Variants in GET4 observed in about 807,000 individuals in gnomAD.
The protein encoded by GET4 is guided entry of tail-anchored proteins factor 4.
GET4 carries 20 observed loss-of-function variants against 40.0 expected under a neutral mutation model. The observed-to-expected ratio is 0.50, with a 90% CI of 0.35 to 0.73. The LOEUF (loss-of-function observed/expected upper bound fraction) is 0.73, where lower values mean the gene tolerates loss of function less well. GET4 is among the 30% of genes least tolerant of loss of function. The pLI, the probability that GET4 is intolerant of heterozygous loss-of-function variation, is 0.01. For missense variants in GET4, 557 were observed against 454.0 expected (o/e 1.23, Z -2.06); for synonymous variants, 280 against 194.6 (o/e 1.44, Z -3.65).
intron 1 of GET4, chr7:879,801 A>T (rs189009941): frequency 6.6e-6 from 1 of 152,358 alleles, no homozygotes; most frequent in Admixed American, 6.5e-5. Flanking sequence ...TTATAGCAAT[A>T]CGTTTTTAAT....
intron 5 of GET4, among the ~76,000 whole-genome samples, chr7:891,317 C>T (rs1005232699): frequency 1.3e-5 from 2 of 152,258 alleles, no homozygotes; most frequent in Admixed American, 6.5e-5. Context: ...CCTCGCCTCT[C>T]GCCCACTGCC....
intron 4 of GET4, among the ~76,000 whole-genome samples, chr7:889,359 C>A (rs1458517188): frequency 6.6e-6 from 1 of 152,272 alleles, no homozygotes; most frequent in African/African-American, 2.4e-5. Context: ...GACCTGAGGC[C>A]TGGGCTCCAT....
chr7:887,293 C>A, intron 3 of GET4, 77 bp from the exon 4 acceptor site: 1 of 1,428,142 alleles, frequency 7.0e-7, no homozygotes, highest in Non-Finnish European at 9.8e-7. Flanking sequence ...GAATGGAAAT[C>A]CACTTCTGTG....
chr7:881,226 T>G (rs1844079324), intron 1 of GET4: 1 of 152,224 alleles, frequency 6.6e-6, no homozygotes, highest in South Asian at 2.1e-4. Context: ...TTTAAATATT[T>G]ATGTAAAATG....
Position 893,782 on chromosome 7 carries a change from G to A in GET4, c.789G>A (p.Gln263=). 6.2e-7 allele frequency: 1 copy of A among 1,611,576 alleles called. No homozygotes were observed. Among genetic ancestry groups the A allele is most frequent in the Non-Finnish European group, 8.5e-7 (1 of 1,178,448 alleles). The change falls in exon 7 of 9, where the codon CAG becomes CAA. Residue 263 remains glutamine (Q), a synonymous_variant. Coordinates refer to ENST00000265857, the MANE Select transcript of GET4 (RefSeq NM_015949.3). ...TVFTVLCEQY[Q]PSLRRDPMYN... ...TCACTGTGCTGTGTGAGCAGTACCA[G>A]CCATCCCTCCGGCGGGACCCCATGT...
intron 8 of GET4, 62 bp downstream of exon 8, chr7:894,033 C>T: frequency 2.6e-6 from 3 of 1,146,280 alleles, no homozygotes; most frequent in Non-Finnish European, 3.7e-6. Flanking sequence ...GTCATCATCT[C>T]TGCCCAGGCA....
In GET4 at chr7:887,393, C is replaced by A; in HGVS notation, c.340C>A (p.Leu114Met). 3 of 1,595,858 alleles carry A rather than the reference C, an allele frequency of 1.9e-6. No individual in the cohort carries two copies. Among genetic ancestry groups the A allele is most frequent in the Non-Finnish European group, 1.7e-6 (2 of 1,168,788 alleles). Residue 114 changes from leucine to methionine, a missense_variant, in exon 4 of 9, where the codon CTG becomes ATG. Leu to Met is a conservative substitution (Grantham distance 15). Transcript: ENST00000265857. ...LLENLAKVFSLMDPNSPERVT... is the reference protein window; with the variant it reads ...LLENLAKVFSMMDPNSPERVT... ...AGAAAATCTGGCTAAAGTGTTCAGCCTGATGGACCCCAACTCTCCTGAGCG... is the reference window on the plus strand; with the variant it reads ...AGAAAATCTGGCTAAAGTGTTCAGCATGATGGACCCCAACTCTCCTGAGCG...
At chr7:894,412 C>T (rs1165380153) in intron 8 of GET4, among the ~76,000 whole-genome samples, 1 of 152,144 alleles carries the variant, frequency 6.6e-6, no homozygotes, top group African/African-American at 2.4e-5. Context: ...GCGGGAGAGG[C>T]CCCTCACTGA....
In GET4 at chr7:893,113, A is replaced by G. The variant is rs879143781; in HGVS notation, c.747-627A>G. Among the ~76,000 whole-genome samples, 279 of 69,446 alleles carry G rather than the reference A, an allele frequency of 4.0e-3. 2 individuals carry two copies. The highest frequency in any genetic ancestry group is 0.012 in the African/African-American group (215 of 17,202). The allele number at this position is 69,446 out of a possible 152,430, so 45.6% of individuals were successfully genotyped here. ...TGCGGGCGTGGTGATGTGTGCAGGC[A>G]AGTGTTGGGTGTAGGCGTGGTGTGT... On this transcript the variant is annotated intron_variant, in intron 6 of 8. Transcript: ENST00000265857.
chr7:894,550 G>A (rs1844426746), intron 8 of GET4, among the ~76,000 whole-genome samples: 2 of 151,676 alleles, frequency 1.3e-5, no homozygotes, highest in East Asian at 1.9e-4. Flanking sequence ...CTCCCCGGAT[G>A]CCCCCCCCAG....
intron 4 of GET4, among the ~76,000 whole-genome samples, chr7:888,476 C>T (rs753038406): frequency 1.2e-4 from 19 of 152,232 alleles, no homozygotes; most frequent in Non-Finnish European, 2.5e-4. Context: ...GCTTTCCCGA[C>T]CTTCTCCCTG....
chr7:878,282 AG>A, intron 1 of GET4: 1 of 471,094 alleles, frequency 2.1e-6, no homozygotes, highest in East Asian at 7.0e-5. Flanking sequence ...GCTCTGTTCC[AG>A]TATTTTTGCT....
intron 1 of GET4, chr7:878,012 C>T (rs558657340): frequency 3.2e-5 from 8 of 246,870 alleles, no homozygotes; most frequent in Admixed American, 9.1e-5. Flanking sequence ...CTACACCGGG[C>T]TCCGTAGGAA....
In GET4 at chr7:886,641, G is replaced by A. The variant is rs200438858; in HGVS notation, c.307G>A (p.Glu103Lys). Residue 103 changes from glutamate to lysine, a missense_variant, in exon 3 of 9, where the codon GAG becomes AAG. Coordinates refer to ENST00000265857, the MANE Select transcript of GET4 (RefSeq NM_015949.3). ...GAAGGCGGAAGTGGAGGTGGCTGAC[G>A]AGCTGCTGGGTGAGCATCCGGCCCT... ...LEKAEVEVAD[E>K]LLENLAKVFS... is the part of the protein sequence containing the mutation. 47 of 1,610,138 alleles carry A rather than the reference G, an allele frequency of 2.9e-5. No individual in the cohort carries two copies. The African/African-American group carries it at 3.5e-4, about 12-fold the overall frequency.
chr7:895,646 G>A lies in GET4; in HGVS notation c.*224G>A, dbSNP rs779692140. The A allele has an allele frequency of 4.3e-5, 18 of 417,236 alleles. No homozygotes were observed. Among genetic ancestry groups the A allele is most frequent in the African/African-American group, 6.2e-5 (3 of 48,276 alleles). The allele number at this position is 417,236 out of a possible 1,614,324, so 25.8% of individuals were successfully genotyped here. On this transcript the variant is annotated 3_prime_UTR_variant, in exon 9 of 9. Coordinates refer to ENST00000265857, the MANE Select transcript of GET4 (RefSeq NM_015949.3). ...GGGCGTCGCCCCTGCTGGCCGCCGC[G>A]TCCCCCGAGATTGACCCACAATAAA... is the stretch of plus-strand genomic sequence containing the variant.
At chr7:887,582 C>T (rs776530959) in intron 4 of GET4, 63 bp downstream of exon 4, 223 of 1,264,858 alleles carry the variant, frequency 1.8e-4, no homozygotes, top group Admixed American at 2.4e-4. Context: ...TTGCACTGTG[C>T]GTTCCAATAC....
At chr7:892,490 CTG>C (rs1213048275) in intron 6 of GET4, 72 bp downstream of exon 6, 1 of 1,497,282 alleles carries the variant, frequency 6.7e-7, no homozygotes, top group Non-Finnish European at 9.2e-7. Flanking sequence ...GTGTGGATAG[CTG>C]TGTGGGTGTG....
At chr7:886,238 G>A in intron 2 of GET4, 104 bp downstream of exon 2, 1 of 767,084 alleles carries the variant, frequency 1.3e-6, no homozygotes, top group South Asian at 1.5e-5. Flanking sequence ...GCGCTGCCCT[G>A]GGCCTCGGCC....
At chr7:884,033 C>A (rs1022691053) in intron 1 of GET4, 1 of 1,155,152 alleles carries the variant, frequency 8.7e-7, no homozygotes, top group Admixed American at 3.9e-5. Flanking sequence ...TCGGCAGTGC[C>A]CCCCAGAGCA....
Sources: allele counts gnomAD v4.1 joint callset (sites outside exome capture counted in the v4.1 genomes callset), GRCh38; gene constraint gnomAD v4.1.1; transcripts MANE v1.5; gene names NCBI Gene and HGNC (gene_info 2026-07-23, HGNC 2026-07-21).